The following PRRX1 variants were observed in gnomAD, a reference collection of about 807,000 sequenced individuals.
PRRX1 encodes paired mesoderm homeobox protein 1.
In PRRX1, 8 loss-of-function variants were observed where a neutral mutation model predicts 24.0. That is an observed-to-expected ratio of 0.33 (90% CI 0.20 to 0.60). The LOEUF is 0.60. PRRX1 is among the 20% of genes least tolerant of loss of function. The probability of loss-of-function intolerance (pLI) is 0.82; values close to 1 mark genes in which losing one functional copy is unlikely to be tolerated. For synonymous variants in PRRX1, 160 were observed against 131.7 expected (o/e 1.22, Z -1.47); for missense variants, 281 against 322.4 (o/e 0.87, Z 0.98).
chr1:170,714,492 T>C (rs1349344433), intron 1 of PRRX1, among the ~76,000 whole-genome samples: 3 of 152,196 alleles, frequency 2.0e-5, no homozygotes, highest in African/African-American at 4.8e-5. Flanking sequence ...TTGCATCAGA[T>C]TTTTTCCCAA....
At chr1:170,696,321 C>A (rs1009032165) in intron 1 of PRRX1, among the ~76,000 whole-genome samples, 3 of 152,076 alleles carry the variant, frequency 2.0e-5, no homozygotes, top group African/African-American at 7.2e-5. Flanking sequence ...AAGAGGCAAC[C>A]CTGAATCTTA....
chr1:170,698,696 G>C (rs775306070), intron 1 of PRRX1, among the ~76,000 whole-genome samples: 1 of 152,144 alleles, frequency 6.6e-6, no homozygotes, highest in African/African-American at 2.4e-5. Context: ...GCGTAAAGTT[G>C]TTGCTGATTT....
At position 170,736,267 on chromosome 1, in the gene PRRX1, C is replaced by G. The variant is rs923708475; in HGVS notation, c.*81C>G. The stretch of plus-strand genomic sequence containing the variant: ...TCCTGCTCTGTTATTTCTTCATCTG[C>G]TGGGGGGAAAAAGTAAATTACAAAC... On this transcript the variant is annotated 3_prime_UTR_variant, in exon 4 of 4. Transcript: ENST00000239461. 1.3e-6 allele frequency: 2 copies of G among 1,555,262 alleles called. No homozygotes were observed. The highest frequency in any genetic ancestry group is 4.6e-5 in the East Asian group (2 of 43,800).
rs1048788293 is a variant in PRRX1 at position 170,713,028 on chromosome 1, C to G, written c.242-6698C>G. Among the ~76,000 whole-genome samples, 3 of 152,170 alleles carry G rather than the reference C, an allele frequency of 2.0e-5. No homozygotes were observed. The East Asian group carries it at 5.8e-4, about 29-fold the overall frequency. ...ATGTCTTTATCAAAGAGAGGGTACT[C>G]TGTTCAATAATGCATCTCTTACAGT... On this transcript the variant is annotated intron_variant, in intron 1 of 3. Transcript: ENST00000239461.
At chr1:170,730,333 G>A (rs780228262) in intron 3 of PRRX1, 9 of 1,610,432 alleles carry the variant, frequency 5.6e-6, no homozygotes, top group East Asian at 2.2e-5. Context: ...GGATTCTAAC[G>A]GAAGACACTG....
intron 3 of PRRX1, chr1:170,730,297 G>A: frequency 1.2e-6 from 2 of 1,611,980 alleles, no homozygotes; most frequent in Middle Eastern, 1.7e-4. Flanking sequence ...CTCCCAAGAT[G>A]TTGTTTACAC....
chr1:170,680,752 C>T (rs556626797), intron 1 of PRRX1, among the ~76,000 whole-genome samples: 1 of 152,314 alleles, frequency 6.6e-6, no homozygotes, highest in East Asian at 1.9e-4. Flanking sequence ...GCATCACCTT[C>T]TCAATGAGTT....
At chr1:170,710,383 A>G (rs1654708589) in intron 1 of PRRX1, among the ~76,000 whole-genome samples, 1 of 152,188 alleles carries the variant, frequency 6.6e-6, no homozygotes, top group African/African-American at 2.4e-5. Context: ...CAGTTAGGAC[A>G]CTTGAGGGCT....
At chr1:170,687,344 G>A (rs1478309764) in intron 1 of PRRX1, among the ~76,000 whole-genome samples, 1 of 152,198 alleles carries the variant, frequency 6.6e-6, no homozygotes, top group African/African-American at 2.4e-5. Context: ...TGGCCTACAA[G>A]TCTCCTTCTC....
chr1:170,700,556 T>C (rs1424837404), intron 1 of PRRX1, among the ~76,000 whole-genome samples: 1 of 152,114 alleles, frequency 6.6e-6, no homozygotes, highest in Non-Finnish European at 1.5e-5. Flanking sequence ...ACAGAGATAT[T>C]GTGGTCAAAG....
chr1:170,668,360 A>G (rs1393692348), intron 1 of PRRX1: 1 of 152,224 alleles, frequency 6.6e-6, no homozygotes, highest in Non-Finnish European at 1.5e-5. Flanking sequence ...TCCAACCTCT[A>G]AATTAGCGAA....
intron 1 of PRRX1, among the ~76,000 whole-genome samples, chr1:170,665,956 A>G (rs986913022): frequency 6.6e-6 from 1 of 152,246 alleles, no homozygotes; most frequent in Non-Finnish European, 1.5e-5. Flanking sequence ...AGTTCCGCAT[A>G]AAGGGCTAGG....
At chr1:170,728,918 T>C (rs964928784) in intron 3 of PRRX1, 3 of 152,242 alleles carry the variant, frequency 2.0e-5, no homozygotes, top group Non-Finnish European at 2.9e-5. Context: ...GACTTTTGTG[T>C]TATGAAAAAT....
At chr1:170,720,461 C>T (rs949174454) in intron 2 of PRRX1, among the ~76,000 whole-genome samples, 1 of 152,126 alleles carries the variant, frequency 6.6e-6, no homozygotes, top group Non-Finnish European at 1.5e-5. Flanking sequence ...GCAGAATAAT[C>T]CTTGCTACAG....
intron 1 of PRRX1, among the ~76,000 whole-genome samples, chr1:170,672,737 A>T (rs1159309350): frequency 6.6e-6 from 1 of 152,240 alleles, no homozygotes; most frequent in African/African-American, 2.4e-5. Context: ...CCTAGCCAGC[A>T]CTTCAGATAT....
intron 1 of PRRX1, among the ~76,000 whole-genome samples, chr1:170,694,189 A>G (rs1654084208): frequency 6.6e-6 from 1 of 152,112 alleles, no homozygotes; most frequent in Non-Finnish European, 1.5e-5. Context: ...CTGCCAACAC[A>G]TGAAACACGG....
At position 170,664,140 on chromosome 1, in the gene PRRX1, C is replaced by T; in HGVS notation, c.-79C>T. The T allele has an allele frequency of 6.8e-7, 1 of 1,473,358 alleles. No individual in the cohort carries two copies. The highest frequency in any genetic ancestry group is 9.2e-7 in the Non-Finnish European group (1 of 1,089,026). The allele number at this position is 1,473,358 out of a possible 1,614,324, so 91.3% of individuals were successfully genotyped here. On this transcript the variant is annotated 5_prime_UTR_variant, in exon 1 of 4. Transcript: ENST00000239461. The stretch of plus-strand genomic sequence containing the variant: ...CCCCTCTTTCTTCCCCACTCGGCTC[C>T]TCTCCCCCCTCGCGCCCACAGCGTT...
chr1:170,664,486 G>T lies in PRRX1; in HGVS notation c.241+27G>T, dbSNP rs376732052. 36 of 1,581,962 alleles carry T rather than the reference G, an allele frequency of 2.3e-5. No homozygotes were observed. In the African/African-American group the frequency reaches 4.3e-4, roughly 19 times the overall value. On this transcript the variant is annotated intron_variant, in intron 1 of 3. Coordinates refer to ENST00000239461, the MANE Select transcript of PRRX1 (RefSeq NM_022716.4). ...TGAGTGAGGGGCGCATGCCCACGGGGGTGTGTGCCCGGGACAGAGGGCGGG... is the reference window on the plus strand; with the variant it reads ...TGAGTGAGGGGCGCATGCCCACGGGTGTGTGTGCCCGGGACAGAGGGCGGG...
At chr1:170,720,523 T>A (rs1404623959) in intron 2 of PRRX1, among the ~76,000 whole-genome samples, 1 of 152,200 alleles carries the variant, frequency 6.6e-6, no homozygotes, top group Non-Finnish European at 1.5e-5. Flanking sequence ...TTATGTGATA[T>A]ACATTGTCCA....
Sources: gnomAD v4.1 joint callset for allele counts (sites outside exome capture counted in the v4.1 genomes callset) on GRCh38, gnomAD v4.1.1 for gene constraint, MANE v1.5 for transcripts, NCBI Gene and HGNC (gene_info 2026-07-23, HGNC 2026-07-21) for gene names.